ZNF536: variants seen among roughly 807,000 people sequenced by gnomAD.
The protein encoded by ZNF536 is zinc finger protein 536.
ZNF536 carries 13 observed loss-of-function variants against 84.5 expected under a neutral mutation model. That is an observed-to-expected ratio of 0.15 (90% confidence interval 0.10 to 0.24). The LOEUF (loss-of-function observed/expected upper bound fraction) is 0.24, where lower values mean the gene tolerates loss of function less well. Among genes scored for constraint, ZNF536 ranks in the 10% least tolerant of loss-of-function variants. The probability of loss-of-function intolerance (pLI) is 1.00; values close to 1 mark genes in which losing one functional copy is unlikely to be tolerated. For missense variants in ZNF536, 1,536 were observed against 1,747.5 expected (o/e 0.88, Z 2.16); for synonymous variants, 811 against 742.5 (o/e 1.09, Z -1.50).
rs10419112 is a variant in ZNF536 at position 30,637,887 on chromosome 19, C to T, written c.170-72870C>T. Among the ~76,000 whole-genome samples the T allele has an allele frequency of 8.2e-3, 1,249 of 152,112 alleles. 22 individuals are homozygous for T. The highest frequency in any genetic ancestry group is 0.028 in the African/African-American group (1,178 of 41,486). ...GTTAGACAAAGGCAGCAAGGTATTT[C>T]GAGGGTTTTTTTGCAAAGCTGGTGT... is the stretch of plus-strand genomic sequence containing the variant. On this transcript the variant is annotated intron_variant, in intron 1 of 1. Transcript: ENST00000592773.
chr19:30,350,195 A>G (rs192250352), intron 2 of ZNF536, among the ~76,000 whole-genome samples: 2 of 152,308 alleles, frequency 1.3e-5, no homozygotes, highest in Admixed American at 1.3e-4. Flanking sequence ...TAATGAACAT[A>G]TTTGCATGTT....
rs115492563 is a variant in ZNF536, at chr19:30,334,266, G to A, written c.-119-18102G>A. Among the ~76,000 whole-genome samples, 611 of 152,312 alleles carry A rather than the reference G, an allele frequency of 4.0e-3. 9 individuals are homozygous for A. Among genetic ancestry groups the A allele is most frequent in the African/African-American group, 0.014 (584 of 41,564 alleles). On this transcript the variant is annotated intron_variant, in intron 2 of 5. Coordinates refer to the ZNF536 transcript ENST00000585628. The stretch of plus-strand genomic sequence containing the variant: ...TAATGGCCTCCAAATTGGACCCAAA[G>A]CTATGCGATTCTTGGGGATGGATGG...
intron 2 of ZNF536, among the ~76,000 whole-genome samples, chr19:30,455,769 C>A (rs1265886428): frequency 6.6e-6 from 1 of 152,170 alleles, no homozygotes; most frequent in African/African-American, 2.4e-5. Flanking sequence ...TTGAAATGTA[C>A]AATAGATTAT....
intron 2 of ZNF536, among the ~76,000 whole-genome samples, chr19:30,485,149 CATAAATAA>C (rs199876994): frequency 1.4e-5 from 2 of 146,270 alleles, no homozygotes; most frequent in East Asian, 2.0e-4. Flanking sequence ...GTCTCAAAAA[CATAAATAA>C]ATAAATAAAT....
intron 1 of ZNF536, among the ~76,000 whole-genome samples, chr19:30,581,059 T>A (rs188720403): frequency 2.9e-4 from 44 of 152,346 alleles, no homozygotes; most frequent in Non-Finnish European, 6.0e-4. Context: ...AATCTGATAT[T>A]CCATCTGAAT....
At chr19:30,530,538 C>T (rs565767086) in intron 2 of ZNF536, among the ~76,000 whole-genome samples, 13 of 152,170 alleles carry the variant, frequency 8.5e-5, no homozygotes, top group African/African-American at 2.2e-4. Flanking sequence ...GTAGAAATGG[C>T]GTTTTACCAT....
At chr19:30,676,414 T>G (rs1400979485) in intron 1 of ZNF536, among the ~76,000 whole-genome samples, 1 of 152,224 alleles carries the variant, frequency 6.6e-6, no homozygotes, top group Non-Finnish European at 1.5e-5. Flanking sequence ...GTCACATGCC[T>G]CCATCATAGG....
At chr19:30,660,972 A>G (rs569104477) in intron 1 of ZNF536, among the ~76,000 whole-genome samples, 25 of 152,190 alleles carry the variant, frequency 1.6e-4, no homozygotes, top group Admixed American at 2.6e-4. Context: ...GCAAACATTG[A>G]CCAAATACAG....
chr19:30,228,779 G>GGCTGGGCC lies in ZNF536; in HGVS notation c.-190+113_-190+114insCGCTGGGC, dbSNP rs1568505266. 1 of 150,948 alleles carries GGCTGGGCC rather than the reference G, an allele frequency of 6.6e-6. No homozygotes were observed. Among genetic ancestry groups the GGCTGGGCC allele is most frequent in the African/African-American group, 2.4e-5 (1 of 41,232 alleles). 9.4% of individuals were successfully genotyped at this position (150,948 alleles called of 1,614,324 possible). A position where few individuals can be genotyped will look rare whatever the true frequency, so the allele number is the denominator to read the frequency against. On this transcript the variant is annotated intron_variant, in intron 1 of 5. Transcript: ENST00000585628. This position sits in a 1 kb window ranked among gnomAD's most constrained non-coding sequence, Gnocchi z 4.5. ...CCCCGGGCCGGCCTCGCGTGTGGGC[G>GGCTGGGCC]GCTGGGCGGCTGGGCGGCGGGAGGA...
At chr19:30,363,215 T>C (rs2048329220) in intron 3 of ZNF536, among the ~76,000 whole-genome samples, 1 of 152,166 alleles carries the variant, frequency 6.6e-6, no homozygotes, top group South Asian at 2.1e-4. Context: ...TCCCGACCTA[T>C]TCCCCACCTG....
intron 1 of ZNF536, among the ~76,000 whole-genome samples, chr19:30,238,999 G>A (rs2023746567): frequency 6.6e-6 from 1 of 152,200 alleles, no homozygotes. Flanking sequence ...TCACCCAAGA[G>A]AGAGGTGGGG....
At chr19:30,451,031 G>A (rs1303387381) in intron 2 of ZNF536, among the ~76,000 whole-genome samples, 1 of 152,280 alleles carries the variant, frequency 6.6e-6, no homozygotes, top group African/African-American at 2.4e-5. Flanking sequence ...CGGAGGATCG[G>A]CTCGTGTGTG....
At chr19:30,572,637 A>G (rs1449190703) in intron 1 of ZNF536, among the ~76,000 whole-genome samples, 1 of 152,214 alleles carries the variant, frequency 6.6e-6, no homozygotes, top group East Asian at 1.9e-4. Flanking sequence ...ATGGTCGCCA[A>G]CAGAGTAATC....
In ZNF536 at chr19:30,444,142, G is replaced by T. The variant is rs1444185307; in HGVS notation, c.580G>T (p.Glu194Ter). The T allele has an allele frequency of 6.2e-7, 1 of 1,601,954 alleles. No homozygotes were observed. The highest frequency in any genetic ancestry group is 8.5e-7 in the Non-Finnish European group (1 of 1,175,000). Residue 194 changes from glutamate to a stop codon, truncating the protein, a stop_gained, in exon 2 of 5, where the codon GAG (glutamate) becomes TAG (stop). Transcript: ENST00000355537. LOFTEE classifies it high-confidence loss of function. The part of the protein sequence containing the change: ...NLGKGRGRVR[E>*]ENRLLHELEE... ...GGGCAAGGGGCGTGGGCGTGTGCGC[G>T]AGGAGAACCGCCTGCTGCACGAGCT...
chr19:30,676,460 T>A lies in ZNF536; in HGVS notation c.170-34297T>A, dbSNP rs182884759. 3.3e-4 allele frequency among the ~76,000 whole-genome samples: 51 copies of A among 152,338 alleles called. 1 individual carries two copies. The highest frequency in any genetic ancestry group is 3.3e-3 in the South Asian group (16 of 4,826). On this transcript the variant is annotated intron_variant, in intron 1 of 1. Transcript: ENST00000592773. ...GATCACAGCATTATTTGAGAACATA[T>A]CTGTATTTGCAAAAATCCATTATAA...
chr19:30,421,569 C>A (rs188381982), intron 1 of ZNF536, among the ~76,000 whole-genome samples: 1 of 152,120 alleles, frequency 6.6e-6, no homozygotes, highest in East Asian at 1.9e-4. Context: ...CACCATGTTA[C>A]CCAAGCTGTT....
chr19:30,439,646 G>A (rs988643965), intron 1 of ZNF536, among the ~76,000 whole-genome samples: 12 of 152,164 alleles, frequency 7.9e-5, no homozygotes, highest in Non-Finnish European at 1.0e-4. Flanking sequence ...GCTGACTGTC[G>A]TGGTCCTTTC....
At chr19:30,234,583 G>GTA (rs1647682173) in intron 1 of ZNF536, among the ~76,000 whole-genome samples, 1 of 151,684 alleles carries the variant, frequency 6.6e-6, no homozygotes, top group Non-Finnish European at 1.5e-5. Flanking sequence ...TGTGTTTTTA[G>GTA]TAGAGACAGG....
intron 1 of ZNF536, among the ~76,000 whole-genome samples, chr19:30,402,575 C>T (rs545898556): frequency 6.6e-6 from 1 of 151,852 alleles, no homozygotes; most frequent in Non-Finnish European, 1.5e-5. Flanking sequence ...TTCTACCTCT[C>T]CCAGCCACCT....
Sources: allele counts gnomAD v4.1 joint callset (sites outside exome capture counted in the v4.1 genomes callset), GRCh38; gene constraint gnomAD v4.1.1; non-coding constraint Gnocchi (gnomAD v3.1); transcripts MANE v1.5; gene names NCBI Gene and HGNC (gene_info 2026-07-23, HGNC 2026-07-21).